Variants in DTNB observed in about 807,000 individuals in gnomAD.
The protein encoded by DTNB is dystrobrevin beta, also known as DTN-B.
Under a neutral mutation model 90.7 loss-of-function variants are expected in DTNB, and 63 were observed. The observed-to-expected ratio is 0.69, with a 90% CI of 0.57 to 0.86. The LOEUF (loss-of-function observed/expected upper bound fraction) is 0.86. Ranked by LOEUF, DTNB falls within the 40% of genes least tolerant of loss-of-function variation. The pLI is 0.00. For synonymous variants in DTNB, 277 were observed against 286.7 expected (o/e 0.97, Z 0.34); for missense variants, 744 against 807.1 (o/e 0.92, Z 0.95).
At chr2:25,629,503 T>C (rs1005586328) in intron 3 of DTNB, among the ~76,000 whole-genome samples, 3 of 152,082 alleles carry the variant, frequency 2.0e-5, no homozygotes, top group South Asian at 2.1e-4. Context: ...ATTTTTTAAA[T>C]AACCAAATTA....
At chr2:25,505,896 A>G (rs970335617) in intron 9 of DTNB, among the ~76,000 whole-genome samples, 2 of 152,180 alleles carry the variant, frequency 1.3e-5, no homozygotes, top group South Asian at 4.1e-4. Flanking sequence ...TTCTATATCA[A>G]TTATTTAGAA....
intron 4 of DTNB, among the ~76,000 whole-genome samples, chr2:25,624,708 T>C (rs893494346): frequency 2.0e-5 from 3 of 152,338 alleles, no homozygotes; most frequent in East Asian, 1.9e-4. Flanking sequence ...GGCTCAGCTA[T>C]AGAAGAGTAA....
intron 7 of DTNB, among the ~76,000 whole-genome samples, chr2:25,580,446 G>A (rs1160263941): frequency 1.3e-5 from 2 of 151,444 alleles, no homozygotes; most frequent in Non-Finnish European, 2.9e-5. Context: ...GCTTGAACTC[G>A]GAAGGTAGAG....
At chr2:25,628,014 C>G (rs938527624) in intron 4 of DTNB, among the ~76,000 whole-genome samples, 157 bp downstream of exon 4, 11 of 152,136 alleles carry the variant, frequency 7.2e-5, no homozygotes, top group East Asian at 1.9e-4. Flanking sequence ...GGGACTACAG[C>G]TGTGAGCTAC....
intron 4 of DTNB, among the ~76,000 whole-genome samples, chr2:25,616,952 AG>A (rs1288195137): frequency 0.25 from 25,360 of 102,298 alleles, 5,821 homozygotes; most frequent in Non-Finnish European, 0.31. Flanking sequence ...AAAAAAAAAA[AG>A]GAAAAAAAAG....
chr2:25,554,064 G>A (rs753748687), intron 8 of DTNB, among the ~76,000 whole-genome samples: 6 of 152,172 alleles, frequency 3.9e-5, no homozygotes, highest in Non-Finnish European at 5.9e-5. Flanking sequence ...CTGGGGCTAA[G>A]AAGGGTATCC....
chr2:25,639,941 G>A (rs1024797117), intron 2 of DTNB, among the ~76,000 whole-genome samples: 5 of 152,188 alleles, frequency 3.3e-5, no homozygotes, highest in East Asian at 1.9e-4. Context: ...AACCAGCATC[G>A]ACTGCCAAAC....
At chr2:25,491,627 T>G (rs1429970737) in intron 9 of DTNB, among the ~76,000 whole-genome samples, 3 of 152,154 alleles carry the variant, frequency 2.0e-5, no homozygotes, top group Non-Finnish European at 4.4e-5. Context: ...TCTGCAGCGA[T>G]AGCAGACTCT....
intron 4 of DTNB, among the ~76,000 whole-genome samples, chr2:25,625,019 G>A (rs549562821): frequency 6.6e-6 from 1 of 152,252 alleles, no homozygotes; most frequent in Non-Finnish European, 1.5e-5. Context: ...AAATACTTAA[G>A]GAAAAGTCTT....
At chr2:25,630,984 T>C (rs1285927917) in intron 3 of DTNB, among the ~76,000 whole-genome samples, 1 of 151,838 alleles carries the variant, frequency 6.6e-6, no homozygotes, top group Non-Finnish European at 1.5e-5. Flanking sequence ...GTTCTATATA[T>C]ATGAAATGTC....
At chr2:25,536,819 T>C (rs950480341) in intron 8 of DTNB, among the ~76,000 whole-genome samples, 1 of 152,150 alleles carries the variant, frequency 6.6e-6, no homozygotes, top group Admixed American at 6.5e-5. Context: ...CTCGGCTCAC[T>C]GCAACCAGCG....
chr2:25,404,560 G>T (rs2044563835), intron 16 of DTNB, among the ~76,000 whole-genome samples: 1 of 151,998 alleles, frequency 6.6e-6, no homozygotes, highest in Admixed American at 6.6e-5. Context: ...TTATTTAATA[G>T]GCCACAGATA....
chr2:25,606,483 C>G (rs939457024), intron 5 of DTNB, among the ~76,000 whole-genome samples: 29 of 151,996 alleles, frequency 1.9e-4, no homozygotes, highest in Non-Finnish European at 8.8e-5. Context: ...GTTAACTCAT[C>G]GATAAAATGA....
chr2:25,452,418 C>T (rs1042679444), intron 11 of DTNB, among the ~76,000 whole-genome samples: 5 of 152,164 alleles, frequency 3.3e-5, no homozygotes, highest in Admixed American at 2.0e-4. Context: ...TCAAGACAGT[C>T]CTAGATTAAT....
intron 4 of DTNB, 75 bp from the exon 5 acceptor site, chr2:25,607,396 A>G: frequency 7.2e-7 from 1 of 1,388,138 alleles, no homozygotes. Context: ...CTAAATACTG[A>G]GCAACCCAGT....
intron 15 of DTNB, among the ~76,000 whole-genome samples, chr2:25,420,151 T>A (rs1300093783): frequency 1.3e-5 from 2 of 151,956 alleles, no homozygotes; most frequent in Non-Finnish European, 2.9e-5. Flanking sequence ...ACTGCCCTCA[T>A]CACTTCCCAA....
chr2:25,549,099 T>A (rs902879237), intron 8 of DTNB, among the ~76,000 whole-genome samples: 1 of 152,054 alleles, frequency 6.6e-6, no homozygotes, highest in Non-Finnish European at 1.5e-5. Context: ...TATTGTTAAC[T>A]GTATCCTCTA....
At chr2:25,530,614 A>C (rs2077986653) in intron 9 of DTNB, among the ~76,000 whole-genome samples, 1 of 151,990 alleles carries the variant, frequency 6.6e-6, no homozygotes, top group African/African-American at 2.4e-5. Context: ...TTTGTAATTC[A>C]CATGCATGGA....
chr2:25,624,700 C>G (rs1002727166), intron 4 of DTNB, among the ~76,000 whole-genome samples: 8 of 152,148 alleles, frequency 5.3e-5, no homozygotes, highest in Non-Finnish European at 1.0e-4. Flanking sequence ...GTGAAACTGG[C>G]TCAGCTATAG....
Sources: allele counts gnomAD v4.1 joint callset (sites outside exome capture counted in the v4.1 genomes callset), GRCh38; gene constraint gnomAD v4.1.1; transcripts MANE v1.5; gene names NCBI Gene and HGNC (gene_info 2026-07-23, HGNC 2026-07-21).